Variants in INTS2 observed in about 807,000 individuals in gnomAD.
The protein encoded by INTS2 is integrator complex subunit 2.
A neutral mutation model predicts 139.6 loss-of-function variants in INTS2; 57 were observed. The observed-to-expected ratio is 0.41, with a 90% CI of 0.33 to 0.51. INTS2 has a LOEUF of 0.51. Ranked by LOEUF, INTS2 falls within the 20% of genes least tolerant of loss-of-function variation. The pLI is 0.28. For missense variants in INTS2, 1,196 were observed against 1,436.7 expected (o/e 0.83, Z 2.71); for synonymous variants, 473 against 493.4 (o/e 0.96, Z 0.55).
intron 17 of INTS2, among the ~76,000 whole-genome samples, chr17:61,878,708 G>A (rs2079147699): frequency 6.6e-6 from 1 of 152,052 alleles, no homozygotes; most frequent in Non-Finnish European, 1.5e-5. Context: ...TTGGGAGGCT[G>A]AGGTAGGAGG....
chr17:61,911,835 A>G, intron 6 of INTS2, 105 bp downstream of exon 6: 1 of 1,418,654 alleles, frequency 7.0e-7, no homozygotes. Context: ...CATATCCAGT[A>G]TATAAATAAA....
chr17:61,911,530 T>C lies in INTS2; in HGVS notation c.944A>G (p.Asn315Ser), dbSNP rs375595451. 62 of 1,613,846 alleles carry C rather than the reference T, an allele frequency of 3.8e-5. No individual in the cohort carries two copies. Among genetic ancestry groups the C allele is most frequent in the Non-Finnish European group, 5.0e-5 (59 of 1,179,872 alleles). The change falls in exon 7 of 25, where the codon AAT becomes AGT. Residue 315 changes from asparagine to serine, a missense_variant. Physicochemically the swap from Asn to Ser is conservative, Grantham distance 46. Transcript: ENST00000251334. ...VRTWFGTFIR[N>S]GQQRKRETSS... ...ATATTTAACCCTCACCTGCTGTCCA[T>C]TTCGGATAAAAGTTCCAAACCAAGT...
rs1021933345 is a variant in INTS2 at position 61,875,302 on chromosome 17, T to C, written c.2457-264A>G. Among the ~76,000 whole-genome samples, 4 of 152,204 alleles carry C rather than the reference T, an allele frequency of 2.6e-5. No homozygotes were observed. The highest frequency in any genetic ancestry group is 5.9e-5 in the Non-Finnish European group (4 of 68,026). On this transcript the variant is annotated intron_variant, in intron 18 of 24. Transcript: ENST00000251334. The surrounding 1 kb of genome is among the most constrained non-coding windows in gnomAD (Gnocchi z 4.6). ...AATCATGGCATATAAAATTAAAACC[T>C]GAGTTAAAACCTTAGTTATACCATA...
chr17:61,901,634 C>T (rs1038390838), intron 9 of INTS2, among the ~76,000 whole-genome samples: 36 of 120,458 alleles, frequency 3.0e-4, no homozygotes, highest in Non-Finnish European at 5.4e-4. Context: ...CAGTCCCGCT[C>T]TGTAGCCCAG....
chr17:61,915,012 T>C (rs1284278830), intron 5 of INTS2, among the ~76,000 whole-genome samples: 1 of 151,842 alleles, frequency 6.6e-6, no homozygotes, highest in African/African-American at 2.4e-5. Flanking sequence ...AAGACCAGCC[T>C]GGCCAACATG....
intron 17 of INTS2, among the ~76,000 whole-genome samples, chr17:61,879,922 TTC>T (rs2079162740): frequency 6.6e-6 from 1 of 152,242 alleles, no homozygotes; most frequent in Admixed American, 6.5e-5. Context: ...CTGTTTCTTT[TTC>T]CTGGAAAGTT....
Position 61,884,891 on chromosome 17 carries a change from TA to T in INTS2, c.2089+9del. On this transcript the variant is annotated intron_variant, in intron 16 of 24. Transcript: ENST00000251334. ...TAAACTTTAGCAGTAAAAAGCAAAA[TA>T]AAACATACCTCCCAACTCCTGCTGC... 1 of 1,564,344 alleles carries T rather than the reference TA, an allele frequency of 6.4e-7. No homozygotes were observed. The highest frequency in any genetic ancestry group is 8.7e-7 in the Non-Finnish European group (1 of 1,144,472).
intron 14 of INTS2, among the ~76,000 whole-genome samples, chr17:61,890,328 G>A (rs2079277163): frequency 6.6e-6 from 1 of 152,062 alleles, no homozygotes; most frequent in Non-Finnish European, 1.5e-5. Context: ...TTCCCTGAAT[G>A]AGCCAGGAGC....
chr17:61,897,789 A>G lies in INTS2; in HGVS notation c.1308-50T>C. 1.7e-6 allele frequency: 2 copies of G among 1,209,212 alleles called. No homozygotes were observed. The highest frequency in any genetic ancestry group is 1.4e-5 in the South Asian group (1 of 73,084). 74.9% of individuals were successfully genotyped at this position (1,209,212 alleles called of 1,614,324 possible). On this transcript the variant is annotated intron_variant, in intron 9 of 24. Transcript: ENST00000251334. This position sits in a 1 kb window ranked among gnomAD's most constrained non-coding sequence, Gnocchi z 4.4. ...ACTGGTTTAAATTAGATATACTAGC[A>G]TATGAATAAAAAGCATTCTGAAGTT...
chr17:61,878,931 C>CAAAAAA (rs35652350), intron 17 of INTS2, among the ~76,000 whole-genome samples: 26 of 46,622 alleles, frequency 5.6e-4, no homozygotes, highest in African/African-American at 1.4e-3. Flanking sequence ...ACCCTGTCTC[C>CAAAAAA]AAAAAAAAAA....
At chr17:61,879,565 G>T (rs914852704) in intron 17 of INTS2, among the ~76,000 whole-genome samples, 3 of 152,092 alleles carry the variant, frequency 2.0e-5, no homozygotes, top group African/African-American at 7.2e-5. Context: ...AAATAATATT[G>T]GCAGGCCAGG....
chr17:61,896,596 G>C (rs1175185435), intron 11 of INTS2, among the ~76,000 whole-genome samples: 1 of 152,012 alleles, frequency 6.6e-6, no homozygotes, highest in Non-Finnish European at 1.5e-5. Flanking sequence ...ATAAATCAAA[G>C]TCCCTACAGG....
chr17:61,895,199 A>G (rs2079334784), intron 12 of INTS2, 116 bp downstream of exon 12: 1 of 614,784 alleles, frequency 1.6e-6, no homozygotes, highest in Non-Finnish European at 2.8e-6. Flanking sequence ...ATAAATCATC[A>G]TGAGTTTAAA....
At chr17:61,906,391 A>T (rs932502809) in intron 8 of INTS2, among the ~76,000 whole-genome samples, 1 of 152,210 alleles carries the variant, frequency 6.6e-6, no homozygotes, top group African/African-American at 2.4e-5. Flanking sequence ...ACATGAATCA[A>T]ATAACAGGTG....
In INTS2 at chr17:61,927,037, A is replaced by G. The variant is rs569961960; in HGVS notation, c.-18-375T>C. 116 of 259,120 alleles carry G rather than the reference A, an allele frequency of 4.5e-4. 1 individual carries two copies. In the Middle Eastern group the frequency reaches 4.8e-3, roughly 11 times the overall value. The allele number at this position is 259,120 out of a possible 1,614,324, so 16.1% of individuals were successfully genotyped here. ...ATCCCAGTCCAAGACTTTCTCCACT[A>G]TATCAGTCACATGAGCTCCACAAAA... On this transcript the variant is annotated intron_variant, in intron 1 of 24. Coordinates refer to ENST00000251334, the MANE Select transcript of INTS2 (RefSeq NM_001351695.2).
chr17:61,909,487 G>A lies in INTS2; in HGVS notation c.955-1853C>T, dbSNP rs144794137. On this transcript the variant is annotated intron_variant, in intron 7 of 24. Coordinates refer to ENST00000251334, the MANE Select transcript of INTS2 (RefSeq NM_001351695.2). The surrounding 1 kb of genome is among the most constrained non-coding windows in gnomAD (Gnocchi z 4.9). The stretch of plus-strand genomic sequence containing the variant: ...AATCTATTGCATAGAAGTCTGGGCT[G>A]TTGGTGTAGTCATCACCCTGATAGT... Among the ~76,000 whole-genome samples the A allele has an allele frequency of 1.2e-4, 18 of 152,284 alleles. No homozygotes were observed. The highest frequency in any genetic ancestry group is 1.9e-4 in the Non-Finnish European group (13 of 68,028).
chr17:61,912,961 A>G (rs1276269344), intron 5 of INTS2, among the ~76,000 whole-genome samples: 1 of 152,198 alleles, frequency 6.6e-6, no homozygotes, highest in East Asian at 1.9e-4. Flanking sequence ...CTATAGTCCC[A>G]GCTGCTCAGG....
Position 61,867,791 on chromosome 17 carries a change from T to C in INTS2, c.3421+42A>G. 1.3e-6 allele frequency: 2 copies of C among 1,561,592 alleles called. No homozygotes were observed. The highest frequency in any genetic ancestry group is 1.4e-5 in the African/African-American group (1 of 72,566). Reference sequence around the variant, plus strand: ...TTGGAAAGGAATTTGGCCTTTTTGTTTGAGATATTAAGATAACCCTTGAAA... The same window carrying C: ...TTGGAAAGGAATTTGGCCTTTTTGTCTGAGATATTAAGATAACCCTTGAAA... On this transcript the variant is annotated intron_variant, in intron 24 of 24. Transcript: ENST00000251334. This position sits in a 1 kb window ranked among gnomAD's most constrained non-coding sequence, Gnocchi z 5.6.
rs557991983 is a variant in INTS2, at chr17:61,892,034, G to GGA, written c.1699-347_1699-346dup. Among the ~76,000 whole-genome samples, 18 of 152,038 alleles carry GGA rather than the reference G, an allele frequency of 1.2e-4. 1 individual carries two copies. The East Asian group carries it at 2.7e-3, about 23-fold the overall frequency. On this transcript the variant is annotated intron_variant, in intron 13 of 24. Coordinates refer to ENST00000251334, the MANE Select transcript of INTS2 (RefSeq NM_001351695.2). ...GAGAGCTCACGTTAGATAGGAATTT[G>GGA]GAGAGAGAGAGATAGGTCCTTCACA...
Sources: allele counts gnomAD v4.1 joint callset (sites outside exome capture counted in the v4.1 genomes callset), GRCh38; gene constraint gnomAD v4.1.1; non-coding constraint Gnocchi (gnomAD v3.1); transcripts MANE v1.5; gene names NCBI Gene and HGNC (gene_info 2026-07-23, HGNC 2026-07-21).